DPYD: variants seen among roughly 807,000 people sequenced by gnomAD.
DPYD encodes dihydropyrimidine dehydrogenase [NADP(+)].
In DPYD, 109 loss-of-function variants were observed where a neutral mutation model predicts 116.2. That is an observed-to-expected ratio of 0.94 (90% CI 0.80 to 1.10). The LOEUF (loss-of-function observed/expected upper bound fraction) is 1.10. Among genes scored for constraint, DPYD ranks in the 50% least tolerant of loss-of-function variants. DPYD has a pLI of 0.00. For missense variants in DPYD, 1,302 were observed against 1,254.5 expected (o/e 1.04, Z -0.57); for synonymous variants, 440 against 432.0 (o/e 1.02, Z -0.23).
chr1:97,848,379 C>T lies in DPYD; in HGVS notation c.151-20183G>A, dbSNP rs754539637. Reference sequence around the variant, plus strand: ...CCAAAAGTGCTGGGATTGCAGGCTGCACAAATACCACTTCTATTTAAAAAC... The same window carrying T: ...CCAAAAGTGCTGGGATTGCAGGCTGTACAAATACCACTTCTATTTAAAAAC... On this transcript the variant is annotated intron_variant, in intron 2 of 22. Coordinates refer to ENST00000370192, the MANE Select transcript of DPYD (RefSeq NM_000110.4). Among the ~76,000 whole-genome samples the T allele has an allele frequency of 1.5e-4, 23 of 152,158 alleles. 1 individual carries two copies. Among genetic ancestry groups the T allele is most frequent in the Non-Finnish European group, 2.6e-4 (18 of 68,026 alleles).
At chr1:97,811,594 C>A (rs1009712262) in intron 3 of DPYD, among the ~76,000 whole-genome samples, 6 of 152,090 alleles carry the variant, frequency 3.9e-5, no homozygotes, top group Non-Finnish European at 8.8e-5. Context: ...TAGATCTCAG[C>A]CCCTTGCACA....
intron 20 of DPYD, among the ~76,000 whole-genome samples, chr1:97,174,632 G>GGTAGCCTTTTAATCAAAAGTACTTTTA (rs1657118373): frequency 6.6e-6 from 1 of 152,122 alleles, no homozygotes; most frequent in African/African-American, 2.4e-5. Flanking sequence ...AAGGCTACCT[G>GGTAGCCTTTTAATCAAAAGTACTTTTA]ATTAAAAGTA....
chr1:97,166,104 T>A (rs1656304579), intron 20 of DPYD, among the ~76,000 whole-genome samples: 2 of 152,164 alleles, frequency 1.3e-5, no homozygotes, highest in Non-Finnish European at 2.9e-5. Flanking sequence ...TAAATTATTC[T>A]ACCTACCATA....
chr1:97,184,895 G>A (rs894635336), intron 20 of DPYD, among the ~76,000 whole-genome samples: 6 of 151,794 alleles, frequency 4.0e-5, no homozygotes, highest in Admixed American at 2.0e-4. Context: ...ACCTTATTGC[G>A]CTGGTTAGGA....
At chr1:97,481,576 T>A (rs186331134) in intron 13 of DPYD, among the ~76,000 whole-genome samples, 49 of 152,258 alleles carry the variant, frequency 3.2e-4, no homozygotes, top group Non-Finnish European at 6.2e-4. Flanking sequence ...TAATCCATAC[T>A]CTGAGAATTA....
intron 11 of DPYD, among the ~76,000 whole-genome samples, chr1:97,562,616 G>A (rs910980002): frequency 1.3e-5 from 2 of 152,158 alleles, no homozygotes; most frequent in African/African-American, 2.4e-5. Context: ...CTCCAACAAT[G>A]GCAGTATATT....
At chr1:97,855,393 T>C (rs779760752) in intron 2 of DPYD, 1 of 151,650 alleles carries the variant, frequency 6.6e-6, no homozygotes, top group Non-Finnish European at 1.5e-5. Flanking sequence ...ACTACTGGAG[T>C]TTTTGTCACT....
At chr1:97,507,320 A>G (rs1647414868) in intron 13 of DPYD, among the ~76,000 whole-genome samples, 1 of 151,974 alleles carries the variant, frequency 6.6e-6, no homozygotes, top group African/African-American at 2.4e-5. Context: ...TATTTAAACA[A>G]TTATAACTCC....
chr1:97,772,635 C>T (rs941183427), intron 3 of DPYD, among the ~76,000 whole-genome samples: 7 of 152,080 alleles, frequency 4.6e-5, no homozygotes, highest in Admixed American at 1.3e-4. Context: ...AGAATGATAA[C>T]TAGGGAGAAC....
intron 20 of DPYD, among the ~76,000 whole-genome samples, chr1:97,164,789 C>T (rs1378536017): frequency 2.6e-5 from 4 of 151,692 alleles, no homozygotes; most frequent in East Asian, 1.9e-4. Flanking sequence ...CACAAACAAA[C>T]GGGAAAACAT....
intron 19 of DPYD, among the ~76,000 whole-genome samples, chr1:97,195,055 G>T (rs953079565): frequency 1.3e-5 from 2 of 152,036 alleles, no homozygotes; most frequent in Non-Finnish European, 2.9e-5. Context: ...ATCACATGTA[G>T]ACTCCAGAGA....
intron 1 of DPYD, among the ~76,000 whole-genome samples, chr1:97,911,403 T>C (rs1364530300): frequency 1.3e-5 from 2 of 152,140 alleles, no homozygotes; most frequent in Non-Finnish European, 2.9e-5. Flanking sequence ...AGCATACCAA[T>C]GTCTGGAGTC....
intron 20 of DPYD, among the ~76,000 whole-genome samples, chr1:97,167,455 A>C: frequency 6.6e-6 from 1 of 152,114 alleles, no homozygotes; most frequent in Non-Finnish European, 1.5e-5. Context: ...AGAATGAGAA[A>C]ATGACTATAT....
chr1:97,129,723 A>G (rs1016032807), intron 20 of DPYD, among the ~76,000 whole-genome samples: 2 of 152,100 alleles, frequency 1.3e-5, no homozygotes, highest in East Asian at 1.9e-4. Flanking sequence ...CCACCACAAG[A>G]TGGTTATTTC....
At chr1:97,447,775 C>T (rs1676170799) in intron 14 of DPYD, among the ~76,000 whole-genome samples, 1 of 151,824 alleles carries the variant, frequency 6.6e-6, no homozygotes, top group Admixed American at 6.6e-5. Flanking sequence ...CAACTTACTC[C>T]TACCCAAAAA....
chr1:97,408,118 C>T (rs1673780819), intron 14 of DPYD, among the ~76,000 whole-genome samples: 2 of 152,116 alleles, frequency 1.3e-5, no homozygotes, highest in Admixed American at 1.3e-4. Context: ...ACTACAACAA[C>T]CCAATCCAGG....
At chr1:97,740,135 T>C (rs1363873037) in intron 4 of DPYD, among the ~76,000 whole-genome samples, 1 of 152,156 alleles carries the variant, frequency 6.6e-6, no homozygotes, top group Non-Finnish European at 1.5e-5. Flanking sequence ...ATCTTTTCAG[T>C]GTCTTGAATT....
intron 8 of DPYD, among the ~76,000 whole-genome samples, chr1:97,614,076 T>C (rs1256417809): frequency 6.6e-6 from 1 of 152,092 alleles, no homozygotes; most frequent in Non-Finnish European, 1.5e-5. Flanking sequence ...TATTGGGATA[T>C]GGTGATTTAA....
At chr1:97,870,558 T>C (rs960278110) in intron 2 of DPYD, among the ~76,000 whole-genome samples, 2 of 151,766 alleles carry the variant, frequency 1.3e-5, no homozygotes, top group Non-Finnish European at 2.9e-5. Flanking sequence ...AAGTAGTACA[T>C]GCAATATTAA....
Sources: allele counts gnomAD v4.1 joint callset (sites outside exome capture counted in the v4.1 genomes callset), GRCh38; gene constraint gnomAD v4.1.1; transcripts MANE v1.5; gene names NCBI Gene and HGNC (gene_info 2026-07-23, HGNC 2026-07-21).